The following CSMD1 variants were observed in gnomAD, a reference collection of about 807,000 sequenced individuals.
CSMD1 encodes the protein CUB and Sushi multiple domains 1.
In CSMD1, 213 loss-of-function variants were observed where a neutral mutation model predicts 417.5. That is an observed-to-expected ratio of 0.51 (90% CI 0.46 to 0.57). The LOEUF is 0.57. Ranked by LOEUF, CSMD1 falls within the 20% of genes least tolerant of loss-of-function variation. CSMD1 has a pLI of 0.00. For synonymous variants in CSMD1, 2,862 were observed against 1,736.8 expected (o/e 1.65, Z -16.11); for missense variants, 6,923 against 4,529.7 (o/e 1.53, Z -15.17).
At chr8:4,535,516 C>T (rs892358384) in intron 2 of CSMD1, among the ~76,000 whole-genome samples, 1 of 152,030 alleles carries the variant, frequency 6.6e-6, no homozygotes, top group Non-Finnish European at 1.5e-5. Context: ...ATCATTCTTT[C>T]GATGTTCAAA....
chr8:3,659,299 C>T (rs1019761500), intron 7 of CSMD1, among the ~76,000 whole-genome samples: 4 of 152,284 alleles, frequency 2.6e-5, no homozygotes, highest in East Asian at 1.9e-4. Context: ...ACCTTCTTGA[C>T]AAATTGTGTA....
chr8:3,582,638 TG>T (rs1302836981), intron 9 of CSMD1, among the ~76,000 whole-genome samples: 4 of 152,180 alleles, frequency 2.6e-5, no homozygotes, highest in Non-Finnish European at 2.9e-5. Context: ...GCAGCTGGTC[TG>T]AGATGAGCTA....
intron 26 of CSMD1, among the ~76,000 whole-genome samples, chr8:3,269,654 G>C (rs1275150337): frequency 2.0e-5 from 3 of 152,204 alleles, no homozygotes; most frequent in African/African-American, 7.2e-5. Flanking sequence ...AGCTGACAGT[G>C]CCACACTGAG....
At chr8:3,182,622 G>GTGTGTGTT (rs1821422995) in intron 36 of CSMD1, among the ~76,000 whole-genome samples, 1 of 56,816 alleles carries the variant, frequency 1.8e-5, no homozygotes, top group African/African-American at 5.2e-5. Context: ...GTGTGTGTGT[G>GTGTGTGTT]TGTGTGTGTG....
chr8:3,350,267 C>A (rs1465996566), intron 21 of CSMD1, among the ~76,000 whole-genome samples: 1 of 143,156 alleles, frequency 7.0e-6, no homozygotes, highest in Non-Finnish European at 1.5e-5. Context: ...CCTATAATAA[C>A]CTATAATAAC....
intron 12 of CSMD1, among the ~76,000 whole-genome samples, chr8:3,465,104 T>C (rs577790833): frequency 6.6e-6 from 1 of 152,202 alleles, no homozygotes; most frequent in Admixed American, 6.5e-5. Context: ...GCAAGAGCGT[T>C]TGTTTCTGTG....
At chr8:4,918,862 C>G (rs897397900) in intron 1 of CSMD1, among the ~76,000 whole-genome samples, 1 of 152,104 alleles carries the variant, frequency 6.6e-6, no homozygotes. Flanking sequence ...AATCACCACA[C>G]ACACACACCC....
At chr8:4,048,781 G>C (rs1262823761) in intron 3 of CSMD1, among the ~76,000 whole-genome samples, 1 of 152,138 alleles carries the variant, frequency 6.6e-6, no homozygotes, top group Non-Finnish European at 1.5e-5. Flanking sequence ...TGTGTTACAT[G>C]AATGTTATTA....
At chr8:4,785,204 T>C (rs1257881340) in intron 1 of CSMD1, among the ~76,000 whole-genome samples, 1 of 152,184 alleles carries the variant, frequency 6.6e-6, no homozygotes, top group Non-Finnish European at 1.5e-5. Flanking sequence ...CTGCTGCTCC[T>C]AGAAGATTGT....
intron 1 of CSMD1, among the ~76,000 whole-genome samples, chr8:4,649,703 G>C (rs755581181): frequency 6.6e-6 from 1 of 152,202 alleles, no homozygotes; most frequent in African/African-American, 2.4e-5. Context: ...AAAATTAAAC[G>C]TTTTTGTGTA....
At chr8:3,061,581 T>A (rs1449463666) in intron 49 of CSMD1, among the ~76,000 whole-genome samples, 1 of 152,074 alleles carries the variant, frequency 6.6e-6, no homozygotes, top group East Asian at 1.9e-4. Flanking sequence ...GTCTCCTCAA[T>A]CATATGACAT....
chr8:4,296,190 G>C (rs898683531), intron 3 of CSMD1, among the ~76,000 whole-genome samples: 14 of 152,086 alleles, frequency 9.2e-5, no homozygotes, highest in African/African-American at 2.4e-4. Flanking sequence ...TGGCACCTTA[G>C]TCCTCAACTC....
At chr8:3,160,272 G>A (rs954567418) in intron 38 of CSMD1, among the ~76,000 whole-genome samples, 6 of 152,030 alleles carry the variant, frequency 3.9e-5, no homozygotes, top group Admixed American at 1.3e-4. Context: ...AAAGGAATGC[G>A]CCGCCATGCC....
At chr8:3,404,720 T>C (rs111327784) in intron 15 of CSMD1, among the ~76,000 whole-genome samples, 35 of 152,318 alleles carry the variant, frequency 2.3e-4, no homozygotes, top group African/African-American at 8.2e-4. Context: ...GTAGCCTTTT[T>C]TTAGTGTTTT....
intron 3 of CSMD1, among the ~76,000 whole-genome samples, chr8:4,123,368 C>T (rs1423468864): frequency 3.3e-5 from 5 of 152,302 alleles, no homozygotes; most frequent in African/African-American, 4.8e-5. Context: ...CATCCCATAA[C>T]GTCCTTTATT....
Position 4,403,306 on chromosome 8 carries a change from C to G in CSMD1, c.415+16647G>C, listed in dbSNP as rs1477688853. Among the ~76,000 whole-genome samples the G allele has an allele frequency of 2.6e-5, 4 of 152,180 alleles. No individual in the cohort carries two copies. In the South Asian group the frequency reaches 6.2e-4, roughly 24 times the overall value. ...CTCTTCTCTTCATTCCCCCTTTCTA[C>G]AACTATTCCATTTCCTTACATTTCA... is the stretch of plus-strand genomic sequence containing the variant. On this transcript the variant is annotated intron_variant, in intron 3 of 69. Coordinates refer to ENST00000635120, the MANE Select transcript of CSMD1 (RefSeq NM_033225.6).
At chr8:4,268,759 A>C (rs1585128848) in intron 3 of CSMD1, among the ~76,000 whole-genome samples, 1 of 152,204 alleles carries the variant, frequency 6.6e-6, no homozygotes. Context: ...GCTAAAAAAA[A>C]AACCCACAAA....
At chr8:3,108,441 CA>C (rs1816288713) in intron 44 of CSMD1, among the ~76,000 whole-genome samples, 161 bp downstream of exon 44, 1 of 151,962 alleles carries the variant, frequency 6.6e-6, no homozygotes, top group South Asian at 2.1e-4. Context: ...CATCATTAAA[CA>C]AAAAAAGGAC....
At chr8:3,902,700 G>A (rs1235048671) in intron 5 of CSMD1, among the ~76,000 whole-genome samples, 1 of 152,010 alleles carries the variant, frequency 6.6e-6, no homozygotes, top group East Asian at 1.9e-4. Context: ...AACAGGCTGT[G>A]GACTGGTACC....
Sources: allele counts gnomAD v4.1 joint callset (sites outside exome capture counted in the v4.1 genomes callset), GRCh38; gene constraint gnomAD v4.1.1; transcripts MANE v1.5; gene names NCBI Gene and HGNC (gene_info 2026-07-23, HGNC 2026-07-21).